CACNA1D: variants seen among roughly 807,000 people sequenced by gnomAD.
The protein encoded by CACNA1D is calcium voltage-gated channel subunit alpha1 D.
CACNA1D carries 55 observed loss-of-function variants against 257.1 expected under a neutral mutation model. The ratio of observed to expected loss-of-function variants is 0.21; its 90% CI spans 0.17 to 0.27. The LOEUF (loss-of-function observed/expected upper bound fraction) is 0.27. CACNA1D is among the 10% of genes least tolerant of loss of function. CACNA1D has a pLI of 1.00. For missense variants in CACNA1D, 1,876 were observed against 2,784.0 expected (o/e 0.67, Z 7.34); for synonymous variants, 980 against 1,014.9 (o/e 0.97, Z 0.65).
intron 8 of CACNA1D, among the ~76,000 whole-genome samples, chr3:53,682,182 A>G (rs147062048): frequency 3.9e-5 from 6 of 152,080 alleles, no homozygotes; most frequent in Non-Finnish European, 5.9e-5. Context: ...AAATGCTTCA[A>G]AAAGATAAGA....
chr3:53,691,825 T>G (rs1576366115), intron 8 of CACNA1D, among the ~76,000 whole-genome samples: 1 of 103,332 alleles, frequency 9.7e-6, no homozygotes, highest in South Asian at 2.5e-4. Context: ...ATATATTATA[T>G]CTATAATATA....
At chr3:53,621,942 GA>G (rs2093701255) in intron 3 of CACNA1D, among the ~76,000 whole-genome samples, 1 of 152,086 alleles carries the variant, frequency 6.6e-6, no homozygotes, top group Non-Finnish European at 1.5e-5. Context: ...TGACTAAAAT[GA>G]AAAAGCTAAT....
chr3:53,647,822 G>T (rs2094038915), intron 3 of CACNA1D, among the ~76,000 whole-genome samples: 1 of 152,180 alleles, frequency 6.6e-6, no homozygotes, highest in African/African-American at 2.4e-5. Flanking sequence ...TGCTCTCCAG[G>T]CTGTGATTGT....
At chr3:53,513,389 C>T (rs957880467) in intron 3 of CACNA1D, among the ~76,000 whole-genome samples, 5 of 152,154 alleles carry the variant, frequency 3.3e-5, no homozygotes, top group Non-Finnish European at 7.3e-5. Context: ...CACCTGTAAT[C>T]CTAGCACTTT....
intron 47 of CACNA1D, among the ~76,000 whole-genome samples, chr3:53,810,877 T>C (rs918951626): frequency 2.0e-5 from 3 of 151,748 alleles, no homozygotes; most frequent in African/African-American, 7.3e-5. Flanking sequence ...TTATACTAAA[T>C]GTCTTTCCCC....
intron 7 of CACNA1D, among the ~76,000 whole-genome samples, chr3:53,668,190 T>C (rs966234794): frequency 2.0e-5 from 3 of 152,166 alleles, no homozygotes; most frequent in African/African-American, 2.4e-5. Flanking sequence ...GCTTTGTTTT[T>C]CTCTCTATTG....
chr3:53,655,856 C>T (rs933830803), intron 4 of CACNA1D, among the ~76,000 whole-genome samples: 4 of 152,118 alleles, frequency 2.6e-5, no homozygotes, highest in Admixed American at 6.6e-5. Flanking sequence ...CTTGCTCATT[C>T]CTATGTCCAG....
chr3:53,778,219 C>T (rs901299676), intron 37 of CACNA1D, among the ~76,000 whole-genome samples: 3 of 152,096 alleles, frequency 2.0e-5, no homozygotes, highest in Non-Finnish European at 4.4e-5. Flanking sequence ...CCATAAACTT[C>T]CCAGTACTGG....
chr3:53,520,895 T>TTTCTTTCTTTCTTTCTTTCTTTCTTTC (rs1553713023), intron 3 of CACNA1D, among the ~76,000 whole-genome samples: 1 of 86,804 alleles, frequency 1.2e-5, no homozygotes, highest in Non-Finnish European at 2.5e-5. Flanking sequence ...TCTTTCTTTC[T>TTTCTTTCTTTCTTTCTTTCTTTCTTTC]TTTCTTTTCT....
chr3:53,684,215 A>G (rs2094455256), intron 8 of CACNA1D, among the ~76,000 whole-genome samples: 1 of 152,242 alleles, frequency 6.6e-6, no homozygotes, highest in African/African-American at 2.4e-5. Context: ...TTTCAGGTAA[A>G]CAAAATCTAA....
intron 3 of CACNA1D, among the ~76,000 whole-genome samples, chr3:53,597,555 A>C (rs767959232): frequency 1.1e-4 from 17 of 152,324 alleles, no homozygotes; most frequent in Non-Finnish European, 1.8e-4. Context: ...AGGAGTCCCC[A>C]CTGCCAGCTG....
Position 53,747,383 on chromosome 3 carries a change from C to T in CACNA1D, c.3249C>T (p.Asn1083=). The T allele has an allele frequency of 6.2e-7, 1 of 1,614,128 alleles. No individual in the cohort carries two copies. The highest frequency in any genetic ancestry group is 8.5e-7 in the Non-Finnish European group (1 of 1,179,934). The part of the protein sequence containing the change: ...RERIWQNSDF[N]FDNVLSAMMA... The stretch of plus-strand genomic sequence containing the variant: ...GGATCTGGCAAAACAGTGATTTCAA[C>T]TTCGACAACGTCCTCTCTGCTATGA... Residue 1083 remains asparagine, a synonymous_variant, in exon 26 of 48, where the codon AAC becomes AAT. Coordinates refer to ENST00000350061, the MANE Select transcript of CACNA1D (RefSeq NM_001128840.3).
chr3:53,691,906 T>A lies in CACNA1D; in HGVS notation c.1221-10735T>A, dbSNP rs59347778. On this transcript the variant is annotated intron_variant, in intron 8 of 47. Transcript: ENST00000350061. ...ATATATATTATATATATTACATATA[T>A]TATATATAATATATATTATATATAT... Among the ~76,000 whole-genome samples the A allele has an allele frequency of 3.0e-3, 155 of 52,380 alleles. 1 individual carries two copies. The highest frequency in any genetic ancestry group is 6.7e-3 in the African/African-American group (105 of 15,704). 34.4% of individuals were successfully genotyped at this position (52,380 alleles called of 152,430 possible).
At chr3:53,695,913 A>C (rs1358822247) in intron 8 of CACNA1D, among the ~76,000 whole-genome samples, 1 of 152,022 alleles carries the variant, frequency 6.6e-6, no homozygotes, top group Non-Finnish European at 1.5e-5. Flanking sequence ...TTAGTTTTGT[A>C]TTTAAGCCCC....
chr3:53,613,244 C>G (rs534328132), intron 3 of CACNA1D, among the ~76,000 whole-genome samples: 34 of 152,320 alleles, frequency 2.2e-4, no homozygotes, highest in Non-Finnish European at 4.7e-4. Flanking sequence ...TTTGCATTGG[C>G]TTCTGCAAAT....
intron 39 of CACNA1D, chr3:53,782,475 C>T (rs75345901): frequency 0.037 from 5,596 of 151,930 alleles, 157 homozygotes; most frequent in Middle Eastern, 0.099. Context: ...TCGTGACCAG[C>T]GAACTTTTAT....
At chr3:53,712,299 C>T (rs2094766319) in intron 9 of CACNA1D, among the ~76,000 whole-genome samples, 1 of 152,188 alleles carries the variant, frequency 6.6e-6, no homozygotes, top group South Asian at 2.1e-4. Context: ...TACCTGGGGA[C>T]TCAGGAAGGA....
At position 53,793,491 on chromosome 3, in the gene CACNA1D, A is replaced by G. The variant is rs1430164898; in HGVS notation, c.4923+6539A>G. On this transcript the variant is annotated intron_variant, in intron 40 of 47. Coordinates refer to ENST00000350061, the MANE Select transcript of CACNA1D (RefSeq NM_001128840.3). This position sits in a 1 kb window ranked among gnomAD's most constrained non-coding sequence, Gnocchi z 4.1. ...ACCTTCTAGATCCAAGATTCCATAC[A>G]CTCAGGCCTCGGCAGAAAGGCCCCA... Among the ~76,000 whole-genome samples, 1 of 152,132 alleles carries G rather than the reference A, an allele frequency of 6.6e-6. No homozygotes were observed.
At position 53,739,824 on chromosome 3, in the gene CACNA1D, C is replaced by T. The variant is rs571447622; in HGVS notation, c.2752-456C>T. Among the ~76,000 whole-genome samples the T allele has an allele frequency of 4.6e-5, 7 of 152,322 alleles. No homozygotes were observed. In the South Asian group the frequency reaches 1.4e-3, roughly 32 times the overall value. ...TGGAAGCTACTGGCTCCGACAGATGCCGCTGCCATCTTCATTTATGCTTCT... is the reference window on the plus strand; with the variant it reads ...TGGAAGCTACTGGCTCCGACAGATGTCGCTGCCATCTTCATTTATGCTTCT... On this transcript the variant is annotated intron_variant, in intron 20 of 47. Coordinates refer to ENST00000350061, the MANE Select transcript of CACNA1D (RefSeq NM_001128840.3).
Sources: allele counts gnomAD v4.1 joint callset (sites outside exome capture counted in the v4.1 genomes callset), GRCh38; gene constraint gnomAD v4.1.1; non-coding constraint Gnocchi (gnomAD v3.1); transcripts MANE v1.5; gene names NCBI Gene and HGNC (gene_info 2026-07-23, HGNC 2026-07-21).